Variants in KIF3B observed in about 807,000 individuals in gnomAD.
KIF3B encodes kinesin-like protein KIF3B.
Under a neutral mutation model 74.3 loss-of-function variants are expected in KIF3B, and 38 were observed. That is an observed-to-expected ratio of 0.51 (90% CI 0.39 to 0.67). KIF3B has a LOEUF of 0.67. Ranked by LOEUF, KIF3B falls within the 30% of genes least tolerant of loss-of-function variation. The probability of loss-of-function intolerance (pLI) is 0.00; values close to 1 mark genes in which losing one functional copy is unlikely to be tolerated. For synonymous variants in KIF3B, 326 were observed against 342.5 expected (o/e 0.95, Z 0.53); for missense variants, 649 against 932.0 (o/e 0.70, Z 3.95).
chr20:32,320,214 T>G (rs2047853027), intron 5 of KIF3B, among the ~76,000 whole-genome samples: 1 of 152,094 alleles, frequency 6.6e-6, no homozygotes, highest in Non-Finnish European at 1.5e-5. Context: ...GAGTTCTTTA[T>G]ATTAATATAT....
In KIF3B at chr20:32,316,758, C is replaced by G. The variant is rs756707908; in HGVS notation, c.1632C>G (p.Leu544=). Residue 544 remains leucine (L), a splice_region_variant and synonymous_variant, in exon 5 of 9, where the codon CTC becomes CTG. Coordinates refer to ENST00000375712, the MANE Select transcript of KIF3B (RefSeq NM_004798.4). ...VDIKTKKLKK[L]FSKLQAVKAE... ...ACCTGCCTCTCCCCTCATTCCAGCTCTTCTCCAAGCTTCAGGCAGTGAAGG... is the reference window on the plus strand; with the variant it reads ...ACCTGCCTCTCCCCTCATTCCAGCTGTTCTCCAAGCTTCAGGCAGTGAAGG... The G allele has an allele frequency of 4.5e-5, 72 of 1,613,854 alleles. No individual in the cohort carries two copies. Among genetic ancestry groups the G allele is most frequent in the Non-Finnish European group, 1.7e-6 (2 of 1,179,854 alleles).
intron 1 of KIF3B, among the ~76,000 whole-genome samples, chr20:32,292,414 A>C (rs193118721): frequency 1.8e-4 from 27 of 151,852 alleles, no homozygotes; most frequent in African/African-American, 5.6e-4. Flanking sequence ...TGTGCAACAA[A>C]GCAAGACCCC....
intron 5 of KIF3B, among the ~76,000 whole-genome samples, chr20:32,319,743 G>A (rs1189129038): frequency 6.6e-6 from 1 of 150,672 alleles, no homozygotes; most frequent in Non-Finnish European, 1.5e-5. Context: ...CCGCCACCAT[G>A]CCCGGCTGAT....
intron 2 of KIF3B, among the ~76,000 whole-genome samples, chr20:32,315,026 C>T (rs974345996): frequency 2.4e-4 from 36 of 152,188 alleles, no homozygotes; most frequent in Non-Finnish European, 1.6e-4. Context: ...GATCCTGCCT[C>T]ATCAGGGTCT....
In KIF3B at chr20:32,321,662, C is replaced by G. The variant is rs756970179; in HGVS notation, c.1748+4788C>G. 2.2e-4 allele frequency among the ~76,000 whole-genome samples: 33 copies of G among 152,050 alleles called. 1 individual carries two copies. The highest frequency in any genetic ancestry group is 5.9e-5 in the Non-Finnish European group (4 of 68,022). ...CCTTGCATTTCCATATTCAAACATA[C>G]TTTGTTTTACTGCACTCTGCTTTGT... On this transcript the variant is annotated intron_variant, in intron 5 of 8. Transcript: ENST00000375712.
chr20:32,283,191 C>T (rs900248047), intron 1 of KIF3B, among the ~76,000 whole-genome samples: 5 of 151,968 alleles, frequency 3.3e-5, no homozygotes, highest in East Asian at 3.9e-4. Context: ...CATGTACTGT[C>T]GTGCCTGGCT....
intron 5 of KIF3B, among the ~76,000 whole-genome samples, chr20:32,323,599 C>T (rs577487186): frequency 3.7e-4 from 57 of 152,088 alleles, no homozygotes; most frequent in African/African-American, 1.4e-3. Context: ...TATTTTTCAG[C>T]CGAGCATGGT....
rs79732738 is a variant in KIF3B, at chr20:32,279,626, C to T, written c.-66+1861C>T. Among the ~76,000 whole-genome samples the T allele has an allele frequency of 5.9e-4, 89 of 152,132 alleles. No individual in the cohort carries two copies. In the East Asian group the frequency reaches 0.015, roughly 25 times the overall value. On this transcript the variant is annotated intron_variant, in intron 1 of 8. Coordinates refer to ENST00000375712, the MANE Select transcript of KIF3B (RefSeq NM_004798.4). ...GATTACAGGCATGTGCCACCATGCC[C>T]GGCTAATTTTGTATTTTTAGTAGAG... is the stretch of plus-strand genomic sequence containing the variant.
Position 32,331,590 on chromosome 20 carries a change from CCAGT to C in KIF3B, c.*272_*275del. 4.5e-6 allele frequency: 2 copies of C among 449,208 alleles called. No individual in the cohort carries two copies. The highest frequency in any genetic ancestry group is 7.8e-6 in the Non-Finnish European group (2 of 255,812). 27.8% of individuals were successfully genotyped at this position (449,208 alleles called of 1,614,324 possible). On this transcript the variant is annotated 3_prime_UTR_variant, in exon 9 of 9. Transcript: ENST00000375712. Reference sequence around the variant, plus strand: ...GTTCAAGTGGAAAGCAAGAGAATGACCAGTGACCTTGCTTCCTTCCCCCTTGCCT... The same window carrying C: ...GTTCAAGTGGAAAGCAAGAGAATGACGACCTTGCTTCCTTCCCCCTTGCCT...
At chr20:32,319,627 C>A (rs2047848781) in intron 5 of KIF3B, among the ~76,000 whole-genome samples, 1 of 131,036 alleles carries the variant, frequency 7.6e-6, no homozygotes, top group African/African-American at 2.9e-5. Flanking sequence ...GCTCTGTCAT[C>A]CAGGCTGGAA....
At chr20:32,328,803 C>G (rs534284183) in intron 7 of KIF3B, among the ~76,000 whole-genome samples, 2 of 152,068 alleles carry the variant, frequency 1.3e-5, no homozygotes, top group Non-Finnish European at 2.9e-5. Flanking sequence ...GTGTGTCAGT[C>G]ATGTAGTCAT....
intron 1 of KIF3B, among the ~76,000 whole-genome samples, chr20:32,283,616 C>T (rs984525114): frequency 6.6e-6 from 1 of 151,948 alleles, no homozygotes; most frequent in African/African-American, 2.4e-5. Flanking sequence ...TTAAGACCAG[C>T]CTGGCCAACA....
intron 1 of KIF3B, among the ~76,000 whole-genome samples, chr20:32,281,155 A>G (rs1187594552): frequency 6.6e-6 from 1 of 152,166 alleles, no homozygotes; most frequent in East Asian, 1.9e-4. Flanking sequence ...AAATGCCTAC[A>G]CTTGCTTACA....
At chr20:32,304,269 A>G (rs975280177) in intron 1 of KIF3B, among the ~76,000 whole-genome samples, 4 of 152,182 alleles carry the variant, frequency 2.6e-5, no homozygotes, top group Non-Finnish European at 5.9e-5. Flanking sequence ...GATGCTGTCT[A>G]TTTATTAAGC....
At chr20:32,285,619 G>A (rs2047664137) in intron 1 of KIF3B, among the ~76,000 whole-genome samples, 2 of 152,190 alleles carry the variant, frequency 1.3e-5, no homozygotes, top group Non-Finnish European at 2.9e-5. Flanking sequence ...GTGACTTGGA[G>A]CAAGTGACTC....
chr20:32,296,782 C>T (rs988449456), intron 1 of KIF3B, among the ~76,000 whole-genome samples: 8 of 152,076 alleles, frequency 5.3e-5, no homozygotes, highest in African/African-American at 1.2e-4. Flanking sequence ...ATGTATAAAA[C>T]GTCTTTTTAA....
At chr20:32,319,487 A>G (rs79013044) in intron 5 of KIF3B, among the ~76,000 whole-genome samples, 2 of 130,142 alleles carry the variant, frequency 1.5e-5, no homozygotes, top group Admixed American at 7.9e-5. Flanking sequence ...ATATATATAT[A>G]TGTATATATT....
At chr20:32,297,913 G>A (rs961298401) in intron 1 of KIF3B, among the ~76,000 whole-genome samples, 1 of 151,972 alleles carries the variant, frequency 6.6e-6, no homozygotes, top group African/African-American at 2.4e-5. Flanking sequence ...TTTGAGACCA[G>A]CCTGACCAAC....
Position 32,322,755 on chromosome 20 carries a change from TA to T in KIF3B, c.1749-4015del, listed in dbSNP as rs1283648383. Among the ~76,000 whole-genome samples the T allele has an allele frequency of 5.4e-4, 24 of 44,838 alleles. 6 individuals carry two copies. The highest frequency in any genetic ancestry group is 2.5e-3 in the African/African-American group (16 of 6,342). 29.4% of individuals were successfully genotyped at this position (44,838 alleles called of 152,430 possible). A position where few individuals can be genotyped will look rare whatever the true frequency, so the allele number is the denominator to read the frequency against. On this transcript the variant is annotated intron_variant, in intron 5 of 8. Coordinates refer to ENST00000375712, the MANE Select transcript of KIF3B (RefSeq NM_004798.4). ...ATTTATATATATTTATTTATATATA[TA>T]TTTATATATATTTATATATATATTT...
Sources: allele counts gnomAD v4.1 joint callset (sites outside exome capture counted in the v4.1 genomes callset), GRCh38; gene constraint gnomAD v4.1.1; transcripts MANE v1.5; gene names NCBI Gene and HGNC (gene_info 2026-07-23, HGNC 2026-07-21).